The following RBFOX1 variants were observed in gnomAD, a reference collection of about 807,000 sequenced individuals.
The protein encoded by RBFOX1 is RNA binding protein fox-1 homolog 1.
In RBFOX1, 8 loss-of-function variants were observed where a neutral mutation model predicts 57.7. That is an observed-to-expected ratio of 0.14 (90% CI 0.08 to 0.25). RBFOX1 has a LOEUF of 0.25. Ranked by LOEUF, RBFOX1 falls within the 10% of genes least tolerant of loss-of-function variation. RBFOX1 has a pLI of 1.00. For missense variants in RBFOX1, 611 were observed against 548.5 expected (o/e 1.11, Z -1.14); for synonymous variants, 326 against 222.4 (o/e 1.47, Z -4.15).
intron 1 of RBFOX1, among the ~76,000 whole-genome samples, chr16:5,278,079 G>GT (rs1188687443): frequency 6.6e-6 from 1 of 152,120 alleles, no homozygotes; most frequent in Non-Finnish European, 1.5e-5. Context: ...AGAAATCTCT[G>GT]TGCTTTTTAA....
intron 3 of RBFOX1, among the ~76,000 whole-genome samples, chr16:6,866,696 C>T (rs919611907): frequency 1.3e-5 from 2 of 151,784 alleles, no homozygotes; most frequent in Admixed American, 1.3e-4. Flanking sequence ...CGCCTGCCAC[C>T]ACGCCTGGCT....
intron 4 of RBFOX1, among the ~76,000 whole-genome samples, chr16:7,492,993 C>T (rs570672641): frequency 2.6e-5 from 4 of 152,282 alleles, no homozygotes; most frequent in African/African-American, 7.2e-5. Flanking sequence ...ATTCTCCTGC[C>T]TCAGCCTGCC....
chr16:5,444,094 G>GACGTTAATA (rs369069952), intron 1 of RBFOX1, among the ~76,000 whole-genome samples: 102,353 of 151,806 alleles, frequency 0.67, 35,585 homozygotes, highest in African/African-American at 0.86. Flanking sequence ...TATTGGCAAA[G>GACGTTAATA]GTGACACTGA....
intron 3 of RBFOX1, among the ~76,000 whole-genome samples, chr16:5,683,375 T>C (rs909722698): frequency 1.3e-5 from 2 of 152,058 alleles, no homozygotes; most frequent in African/African-American, 4.8e-5. Context: ...ATACTGAGTG[T>C]CAACTTGATT....
At chr16:6,409,362 C>T (rs2795539) in intron 2 of RBFOX1, among the ~76,000 whole-genome samples, 17 of 152,028 alleles carry the variant, frequency 1.1e-4, no homozygotes, top group Non-Finnish European at 2.4e-4. Context: ...TGCAGTGAGC[C>T]GAGATCATGC....
chr16:5,908,195 TAC>T (rs1555443845), intron 4 of RBFOX1, among the ~76,000 whole-genome samples: 1 of 124,804 alleles, frequency 8.0e-6, no homozygotes, highest in South Asian at 2.9e-4. Context: ...TACACATATA[TAC>T]ATATACACAC....
intron 4 of RBFOX1, among the ~76,000 whole-genome samples, chr16:7,370,441 C>G (rs1009403224): frequency 6.6e-5 from 10 of 152,166 alleles, no homozygotes; most frequent in African/African-American, 2.4e-4. Context: ...CCAGGAATCA[C>G]TGTATTTGTC....
At chr16:6,377,893 G>A (rs1008709848) in intron 2 of RBFOX1, among the ~76,000 whole-genome samples, 1 of 152,156 alleles carries the variant, frequency 6.6e-6, no homozygotes, top group Admixed American at 6.5e-5. Context: ...GCTGAGCCGG[G>A]AAAACTCTGC....
At chr16:6,094,647 G>T (rs1906058) in intron 1 of RBFOX1, among the ~76,000 whole-genome samples, 53,129 of 152,116 alleles carry the variant, frequency 0.35, 10,034 homozygotes, top group South Asian at 0.43. Context: ...AAGTTCTCCA[G>T]TGCTGGGAGT....
chr16:6,316,709 A>C (rs1203904824), intron 1 of RBFOX1, among the ~76,000 whole-genome samples: 2 of 152,140 alleles, frequency 1.3e-5, no homozygotes, highest in Non-Finnish European at 2.9e-5. Flanking sequence ...TTCACGATGT[A>C]CATGCATGTC....
chr16:6,163,824 T>G (rs1430707194), intron 1 of RBFOX1, among the ~76,000 whole-genome samples: 1 of 152,160 alleles, frequency 6.6e-6, no homozygotes, highest in Non-Finnish European at 1.5e-5. Flanking sequence ...CTTAATTAAA[T>G]GCAAGGGGAA....
intron 10 of RBFOX1, among the ~76,000 whole-genome samples, chr16:7,613,011 A>T (rs1434757842): frequency 6.6e-6 from 1 of 152,236 alleles, no homozygotes; most frequent in Non-Finnish European, 1.5e-5. Flanking sequence ...AAATTACTCC[A>T]TGAGACGTGA....
intron 4 of RBFOX1, among the ~76,000 whole-genome samples, chr16:7,218,329 G>A (rs537297409): frequency 6.6e-6 from 1 of 152,174 alleles, no homozygotes; most frequent in East Asian, 1.9e-4. Context: ...GCCATCATCA[G>A]TATATTGTTT....
In RBFOX1 at chr16:6,754,399, T is replaced by G. The variant is rs535597299; in HGVS notation, c.-16+99749T>G. ...ATTTATTTGTAAAAGCAAAGTCATC[T>G]TGGGAATTATATTTCAAAACCTACG... On this transcript the variant is annotated intron_variant, in intron 3 of 15. Coordinates refer to ENST00000550418, the MANE Select transcript of RBFOX1 (RefSeq NM_018723.4). 3.5e-3 allele frequency among the ~76,000 whole-genome samples: 536 copies of G among 152,354 alleles called. 6 individuals carry two copies. The highest frequency in any genetic ancestry group is 0.013 in the African/African-American group (525 of 41,584).
chr16:5,799,633 C>T (rs747920597), intron 3 of RBFOX1, among the ~76,000 whole-genome samples: 2 of 151,944 alleles, frequency 1.3e-5, no homozygotes, highest in Admixed American at 6.6e-5. Flanking sequence ...GATTTTTGTC[C>T]AACTGTAGGC....
intron 4 of RBFOX1, among the ~76,000 whole-genome samples, chr16:7,255,514 C>T (rs142594524): frequency 6.6e-6 from 1 of 152,204 alleles, no homozygotes; most frequent in East Asian, 1.9e-4. Flanking sequence ...AGATGTCCAG[C>T]TTATATTTAG....
intron 4 of RBFOX1, among the ~76,000 whole-genome samples, chr16:7,112,971 G>T (rs142777497): frequency 6.6e-6 from 1 of 152,134 alleles, no homozygotes; most frequent in Non-Finnish European, 1.5e-5. Context: ...TCTGTAAGGC[G>T]CTGCCGAATT....
At chr16:7,257,222 G>A (rs2094726045) in intron 4 of RBFOX1, among the ~76,000 whole-genome samples, 1 of 152,056 alleles carries the variant, frequency 6.6e-6, no homozygotes, top group Admixed American at 6.6e-5. Flanking sequence ...CATCCCCGGG[G>A]TCATGCTGTA....
intron 3 of RBFOX1, among the ~76,000 whole-genome samples, chr16:6,788,145 C>A (rs1263595000): frequency 6.6e-6 from 1 of 152,148 alleles, no homozygotes; most frequent in East Asian, 1.9e-4. Context: ...CCGCTTGAAC[C>A]TGGGAGGCGG....
Sources: gnomAD v4.1 joint callset for allele counts (sites outside exome capture counted in the v4.1 genomes callset) on GRCh38, gnomAD v4.1.1 for gene constraint, MANE v1.5 for transcripts, NCBI Gene and HGNC (gene_info 2026-07-23, HGNC 2026-07-21) for gene names.